The following SUMF1 variants were observed in gnomAD, a reference collection of about 807,000 sequenced individuals.
The protein encoded by SUMF1 is sulfatase modifying factor 1.
In SUMF1, 48 loss-of-function variants were observed where a neutral mutation model predicts 47.6. The observed-to-expected ratio is 1.01, with a 90% CI of 0.80 to 1.28. The LOEUF is 1.28. Among genes scored for constraint, SUMF1 ranks in the 50% most tolerant of loss-of-function variants. SUMF1 has a pLI of 0.00. For missense variants in SUMF1, 571 were observed against 485.4 expected, an observed-to-expected ratio of 1.18 and a Z score of -1.66; for synonymous variants, 230 against 192.1, an observed-to-expected ratio of 1.20 and a Z score of -1.63.
At chr3:4,256,885 A>G (rs1250117296) in intron 8 of SUMF1, among the ~76,000 whole-genome samples, 12 of 123,268 alleles carry the variant, frequency 9.7e-5, no homozygotes, top group Non-Finnish European at 1.3e-4. Flanking sequence ...AACCGAATCC[A>G]GCAGCACATC....
Position 4,362,208 on chromosome 3 carries a change from G to A in SUMF1, c.1061C>T (p.Pro354Leu), listed in dbSNP as rs757841704. 4 of 1,614,216 alleles carry A rather than the reference G, an allele frequency of 2.5e-6. No homozygotes were observed. Among genetic ancestry groups the A allele is most frequent in the Non-Finnish European group, 3.4e-6 (4 of 1,180,026 alleles). Residue 354 changes from proline (P) to leucine (L), a missense_variant, in exon 9 of 9, where the codon CCT becomes CTT. Transcript: ENST00000272902. ...YRCAARSQNTPDSSASNLGFR... is the reference protein window; with the variant it reads ...YRCAARSQNTLDSSASNLGFR... ...TCCCAGATTCGAAGCAGAGCTATCA[G>A]GTGTGTTCTGGCTCCGAGCAGCACA...
chr3:4,224,296 G>C (rs1696128925), intron 8 of SUMF1, among the ~76,000 whole-genome samples: 1 of 152,124 alleles, frequency 6.6e-6, no homozygotes, highest in Admixed American at 6.6e-5. Flanking sequence ...ATCCTTCAAA[G>C]TGTCAACAGA....
At chr3:4,313,591 A>G in intron 8 of SUMF1, 1 of 1,614,110 alleles carries the variant, frequency 6.2e-7, no homozygotes, top group Admixed American at 1.7e-5. Flanking sequence ...TGGGAAACTA[A>G]GGAAACCTTG....
intron 8 of SUMF1, among the ~76,000 whole-genome samples, chr3:4,074,593 G>C (rs910547568): frequency 6.6e-6 from 1 of 151,820 alleles, no homozygotes; most frequent in Non-Finnish European, 1.5e-5. Context: ...TAAACCACTA[G>C]CAAGACTAAT....
At chr3:4,441,536 T>A (rs548766268) in intron 3 of SUMF1, among the ~76,000 whole-genome samples, 16 of 152,168 alleles carry the variant, frequency 1.1e-4, no homozygotes, top group Non-Finnish European at 2.2e-4. Context: ...CCAAAAAGGT[T>A]GGGGACTGCT....
chr3:4,283,966 T>C (rs1430134437), intron 8 of SUMF1, among the ~76,000 whole-genome samples: 1 of 152,178 alleles, frequency 6.6e-6, no homozygotes, highest in Non-Finnish European at 1.5e-5. Flanking sequence ...TCTGCTCTCA[T>C]CACCTAATCA....
At chr3:4,213,993 CA>C (rs1014895573) in intron 8 of SUMF1, among the ~76,000 whole-genome samples, 1 of 152,118 alleles carries the variant, frequency 6.6e-6, no homozygotes, top group African/African-American at 2.4e-5. Context: ...CAATATTAGA[CA>C]GATCGATGAG....
intron 8 of SUMF1, among the ~76,000 whole-genome samples, chr3:4,283,569 G>A (rs1259961592): frequency 3.2e-4 from 49 of 152,204 alleles, no homozygotes; most frequent in Admixed American, 3.2e-3. Flanking sequence ...GGAGGGATCA[G>A]TGCATGCCTT....
At chr3:4,252,360 A>G (rs1696822072) in intron 8 of SUMF1, among the ~76,000 whole-genome samples, 1 of 129,746 alleles carries the variant, frequency 7.7e-6, no homozygotes, top group Non-Finnish European at 1.7e-5. Flanking sequence ...GCGCACACAC[A>G]CACACACACA....
intron 8 of SUMF1, among the ~76,000 whole-genome samples, chr3:4,287,911 G>A (rs189517034): frequency 3.9e-5 from 6 of 152,148 alleles, no homozygotes; most frequent in African/African-American, 1.4e-4. Flanking sequence ...TATTTTGTAA[G>A]CTTTCTGATA....
intron 8 of SUMF1, among the ~76,000 whole-genome samples, chr3:4,087,617 T>C (rs1295025580): frequency 1.3e-5 from 2 of 152,106 alleles, no homozygotes; most frequent in African/African-American, 4.8e-5. Flanking sequence ...CTTTAATGTC[T>C]GGCTTCATAG....
At position 4,439,706 on chromosome 3, in the gene SUMF1, A is replaced by G. The variant is rs189878660; in HGVS notation, c.519+9560T>C. On this transcript the variant is annotated intron_variant, in intron 3 of 8. Coordinates refer to ENST00000272902, the MANE Select transcript of SUMF1 (RefSeq NM_182760.4). ...TAAGAGAAAAAAAAATCTTTCTTAAATTTCTTTTTATTTTTTAATTTTTAT... is the reference window on the plus strand; with the variant it reads ...TAAGAGAAAAAAAAATCTTTCTTAAGTTTCTTTTTATTTTTTAATTTTTAT... Among the ~76,000 whole-genome samples, 930 of 151,818 alleles carry G rather than the reference A, an allele frequency of 6.1e-3. 9 individuals are homozygous for G. The highest frequency in any genetic ancestry group is 0.021 in the African/African-American group (865 of 41,482).
At chr3:4,109,467 G>C (rs1181390103) in intron 8 of SUMF1, among the ~76,000 whole-genome samples, 1 of 151,990 alleles carries the variant, frequency 6.6e-6, no homozygotes, top group Non-Finnish European at 1.5e-5. Context: ...TTTGAATGTT[G>C]GTCTGCCTTG....
At chr3:4,259,907 T>C (rs1697048584) in intron 8 of SUMF1, among the ~76,000 whole-genome samples, 1 of 152,022 alleles carries the variant, frequency 6.6e-6, no homozygotes, top group South Asian at 2.1e-4. Flanking sequence ...CCAACGGAGA[T>C]AATATTGACT....
chr3:4,236,302 T>G (rs1696408054), intron 8 of SUMF1, among the ~76,000 whole-genome samples: 1 of 152,098 alleles, frequency 6.6e-6, no homozygotes, highest in Non-Finnish European at 1.5e-5. Flanking sequence ...TTCATATTGA[T>G]AAGTTGTAAA....
intron 8 of SUMF1, among the ~76,000 whole-genome samples, chr3:4,110,849 G>C (rs1183164112): frequency 1.7e-5 from 2 of 114,302 alleles, no homozygotes; most frequent in Non-Finnish European, 3.5e-5. Flanking sequence ...GTTGTGGGGT[G>C]GGGGGAGGGG....
chr3:4,464,412 T>TTGTG (rs10667318), intron 1 of SUMF1, among the ~76,000 whole-genome samples: 12,770 of 150,546 alleles, frequency 0.085, 653 homozygotes, highest in East Asian at 0.21. Context: ...CTGTGTGTGT[T>TTGTG]TGTGTGTGTG....
chr3:4,456,279 A>T (rs567786609), intron 1 of SUMF1, among the ~76,000 whole-genome samples: 2 of 152,188 alleles, frequency 1.3e-5, no homozygotes, highest in East Asian at 3.9e-4. Flanking sequence ...AAAAATGGAA[A>T]CCTTTGCCTG....
chr3:4,147,146 A>G (rs1008706090), intron 8 of SUMF1, among the ~76,000 whole-genome samples: 11 of 152,166 alleles, frequency 7.2e-5, no homozygotes, highest in Non-Finnish European at 1.3e-4. Context: ...AATGGCGATC[A>G]TTAAAAAGTC....
Sources: allele counts gnomAD v4.1 joint callset (sites outside exome capture counted in the v4.1 genomes callset), GRCh38; gene constraint gnomAD v4.1.1; transcripts MANE v1.5; gene names NCBI Gene and HGNC (gene_info 2026-07-23, HGNC 2026-07-21).